The following PCDHGA4 variants were observed in gnomAD, a reference collection of about 807,000 sequenced individuals.
PCDHGA4 encodes the protein protocadherin gamma-A4.
PCDHGA4 carries 38 observed loss-of-function variants against 54.6 expected under a neutral mutation model. The observed-to-expected ratio is 0.70, with a 90% confidence interval of 0.54 to 0.91. PCDHGA4 has a LOEUF of 0.91. PCDHGA4 is among the 40% of genes least tolerant of loss of function. The pLI, the probability that PCDHGA4 is intolerant of heterozygous loss-of-function variation, is 0.00. For synonymous variants in PCDHGA4, 511 were observed against 512.9 expected (o/e 1.00, Z 0.05); for missense variants, 1,298 against 1,220.9 (o/e 1.06, Z -0.94).
chr5:141,410,530 T>C (rs1400165380), intron 1 of PCDHGA4: 1 of 1,613,956 alleles, frequency 6.2e-7, no homozygotes, highest in South Asian at 1.1e-5. Context: ...TACATTCCAA[T>C]GAAGACATGG....
chr5:141,510,141 T>C (rs1596266322), intron 3 of PCDHGA4, among the ~76,000 whole-genome samples: 1 of 152,014 alleles, frequency 6.6e-6, no homozygotes. Flanking sequence ...GGGCTAGTGG[T>C]GTGCACCTGT....
chr5:141,461,037 G>T (rs1254497108), intron 1 of PCDHGA4, among the ~76,000 whole-genome samples: 1 of 150,988 alleles, frequency 6.6e-6, no homozygotes, highest in Non-Finnish European at 1.5e-5. Flanking sequence ...CCACTCATTA[G>T]TCGATGGGGA....
intron 1 of PCDHGA4, chr5:141,387,741 G>T: frequency 1.5e-6 from 2 of 1,332,868 alleles, no homozygotes; most frequent in Non-Finnish European, 2.0e-6. Context: ...CCTTTACACC[G>T]CTTCCTCCTC....
chr5:141,427,743 T>A, intron 1 of PCDHGA4: 5 of 1,249,166 alleles, frequency 4.0e-6, no homozygotes, highest in Non-Finnish European at 5.8e-6. Context: ...CCAAGTCTCC[T>A]ACTCCATCGT....
At chr5:141,399,681 C>G (rs2093865042) in intron 1 of PCDHGA4, 1 of 1,613,408 alleles carries the variant, frequency 6.2e-7, no homozygotes, top group South Asian at 1.1e-5. Flanking sequence ...CCTTTGACTA[C>G]GAGCAGCTGC....
chr5:141,494,985 C>A, intron 2 of PCDHGA4, 120 bp downstream of exon 2: 1 of 1,559,680 alleles, frequency 6.4e-7, no homozygotes. Context: ...AGTTTGAGAT[C>A]CCAGGGAGGT....
chr5:141,360,186 G>A, intron 1 of PCDHGA4: 2 of 1,611,332 alleles, frequency 1.2e-6, no homozygotes, highest in Admixed American at 3.4e-5. Flanking sequence ...TGCAGGTACT[G>A]TTGCCCTTCC....
chr5:141,384,154 A>G, intron 1 of PCDHGA4: 3 of 1,613,512 alleles, frequency 1.9e-6, no homozygotes, highest in Non-Finnish European at 2.5e-6. Flanking sequence ...CTCTTTGTAT[A>G]ACATCACACT....
At chr5:141,381,397 A>G (rs1207743426) in intron 1 of PCDHGA4, among the ~76,000 whole-genome samples, 1 of 152,222 alleles carries the variant, frequency 6.6e-6, no homozygotes, top group Admixed American at 6.5e-5. Flanking sequence ...GTTTTACTCT[A>G]TCAACATCAG....
rs1264878386 is a variant in PCDHGA4 at position 141,366,663 on chromosome 5, C to T, written c.2514+9042C>T. ...TTTCCCCAGCCCAACTACGCAGACA[C>T]GCTCCTTAGTGAAGAGAGCTGTGAG... On this transcript the variant is annotated intron_variant, in intron 1 of 3. Coordinates refer to ENST00000571252, the MANE Select transcript of PCDHGA4 (RefSeq NM_018917.4). The T allele has an allele frequency of 1.9e-6, 3 of 1,614,242 alleles. No individual in the cohort carries two copies. Among genetic ancestry groups the T allele is most frequent in the Non-Finnish European group, 2.5e-6 (3 of 1,180,042 alleles).
At chr5:141,437,863 G>A (rs2097915247) in intron 1 of PCDHGA4, among the ~76,000 whole-genome samples, 2 of 151,480 alleles carry the variant, frequency 1.3e-5, no homozygotes, top group African/African-American at 2.4e-5. Context: ...TTAGCCTCCC[G>A]AGTAGCTGGG....
At chr5:141,414,117 A>T (rs764001135) in intron 1 of PCDHGA4, 2 of 1,592,602 alleles carry the variant, frequency 1.3e-6, no homozygotes, top group Non-Finnish European at 1.7e-6. Flanking sequence ...TAGATTATGA[A>T]GAAACCGGTT....
At chr5:141,415,123 G>T (rs1349224471) in intron 1 of PCDHGA4, 3 of 1,613,540 alleles carry the variant, frequency 1.9e-6, no homozygotes. Flanking sequence ...CGTAGTGGCC[G>T]TCCAGGACCA....
chr5:141,360,551 A>G, intron 1 of PCDHGA4: 5 of 1,613,988 alleles, frequency 3.1e-6, no homozygotes, highest in Non-Finnish European at 4.2e-6. Context: ...ACTAAGATTA[A>G]TTTAAAAATT....
chr5:141,439,364 G>A (rs1561894836), intron 1 of PCDHGA4, among the ~76,000 whole-genome samples: 2 of 152,142 alleles, frequency 1.3e-5, no homozygotes, highest in Admixed American at 1.3e-4. Context: ...CAAACATCAA[G>A]AAGAAATAAA....
intron 1 of PCDHGA4, chr5:141,361,117 G>A: frequency 6.2e-7 from 1 of 1,614,002 alleles, no homozygotes. Context: ...TGGAGATCTA[G>A]CAGCCCACTG....
chr5:141,487,451 A>G lies in PCDHGA4; in HGVS notation c.2515-7356A>G. 6.2e-7 allele frequency: 1 copy of G among 1,614,122 alleles called. No homozygotes were observed. Among genetic ancestry groups the G allele is most frequent in the Non-Finnish European group, 8.5e-7 (1 of 1,180,006 alleles). On this transcript the variant is annotated intron_variant, in intron 1 of 3. Transcript: ENST00000571252. This position sits in a 1 kb window ranked among gnomAD's most constrained non-coding sequence, Gnocchi z 5.0. ...AATCCAGCTAGGGTCAGATGACCCT[A>G]TCAAGTTTGTTGATGTGGGAGGCCA...
In PCDHGA4 at chr5:141,356,494, C is replaced by G; in HGVS notation, c.1387C>G (p.Leu463Val). 1 of 1,613,998 alleles carries G rather than the reference C, an allele frequency of 6.2e-7. No individual in the cohort carries two copies. Among genetic ancestry groups the G allele is most frequent in the Non-Finnish European group, 8.5e-7 (1 of 1,179,888 alleles). Reference sequence around the variant, plus strand: ...TGCCACTGACCAGGGAACTCCTCCACTGTCTACAGAAACTCATATTTCACT... The same window carrying G: ...TGCCACTGACCAGGGAACTCCTCCAGTGTCTACAGAAACTCATATTTCACT... Reference protein sequence around the residue: ...VTATDQGTPPLSTETHISLQV... With the variant: ...VTATDQGTPPVSTETHISLQV... The change falls in exon 1 of 4, where the codon CTG becomes GTG. Residue 463 changes from leucine (L) to valine (V), a missense_variant. By Grantham distance (32) the Leu-to-Val change is conservative. Coordinates refer to ENST00000571252, the MANE Select transcript of PCDHGA4 (RefSeq NM_018917.4).
At chr5:141,451,198 C>T (rs1415589731) in intron 1 of PCDHGA4, among the ~76,000 whole-genome samples, 1 of 152,114 alleles carries the variant, frequency 6.6e-6, no homozygotes, top group Non-Finnish European at 1.5e-5. Context: ...AACAAATTAT[C>T]CCAAAACTTA....
Sources: gnomAD v4.1 joint callset for allele counts (sites outside exome capture counted in the v4.1 genomes callset) on GRCh38, gnomAD v4.1.1 for gene constraint, Gnocchi (gnomAD v3.1) non-coding constraint, MANE v1.5 for transcripts, NCBI Gene and HGNC (gene_info 2026-07-23, HGNC 2026-07-21) for gene names.